Variants in VAV1 observed in about 807,000 individuals in gnomAD.
VAV1 encodes the protein vav guanine nucleotide exchange factor 1.
VAV1 carries 33 observed loss-of-function variants against 128.1 expected under a neutral mutation model. The ratio of observed to expected loss-of-function variants is 0.26; its 90% confidence interval spans 0.20 to 0.34. The LOEUF (loss-of-function observed/expected upper bound fraction) is 0.34. Among genes scored for constraint, VAV1 ranks in the 10% least tolerant of loss-of-function variants. The pLI is 1.00. For missense variants in VAV1, 715 were observed against 1,093.7 expected (o/e 0.65, Z 4.88); for synonymous variants, 394 against 409.8 (o/e 0.96, Z 0.47).
chr19:6,808,461 A>C (rs1971445226), intron 1 of VAV1, among the ~76,000 whole-genome samples: 1 of 152,172 alleles, frequency 6.6e-6, no homozygotes, highest in Non-Finnish European at 1.5e-5. Context: ...GACTTAAATA[A>C]AACTGAAGAT....
chr19:6,808,023 A>T (rs913214748), intron 1 of VAV1, among the ~76,000 whole-genome samples: 70 of 148,236 alleles, frequency 4.7e-4, no homozygotes, highest in Non-Finnish European at 4.2e-4. Context: ...AGAAAAAGTT[A>T]AAAAAAAGGC....
intron 18 of VAV1, 29 bp from the exon 19 acceptor site, chr19:6,833,879 A>C (rs745905228): frequency 6.2e-7 from 1 of 1,614,058 alleles, no homozygotes; most frequent in South Asian, 1.1e-5. Context: ...GGGCATAGGT[A>C]GACAGGCTTT....
At position 6,822,810 on chromosome 19, in the gene VAV1, T is replaced by C. The variant is rs1169531304; in HGVS notation, c.654+296T>C. Among the ~76,000 whole-genome samples, 1 of 146,994 alleles carries C rather than the reference T, an allele frequency of 6.8e-6. No individual in the cohort carries two copies. On this transcript the variant is annotated intron_variant, in intron 6 of 26. Coordinates refer to ENST00000602142, the MANE Select transcript of VAV1 (RefSeq NM_005428.4). This position sits in a 1 kb window ranked among gnomAD's most constrained non-coding sequence, Gnocchi z 5.9. Reference sequence around the variant, plus strand: ...ACAAAATCAAAAATATATAAATATATTAAACATATACATAAATAGAAAATA... The same window carrying C: ...ACAAAATCAAAAATATATAAATATACTAAACATATACATAAATAGAAAATA...
At chr19:6,829,168 G>A (rs1971994961) in intron 13 of VAV1, among the ~76,000 whole-genome samples, 1 of 151,746 alleles carries the variant, frequency 6.6e-6, no homozygotes, top group Non-Finnish European at 1.5e-5. Flanking sequence ...CAGGCTCCTA[G>A]ATGAGCAGGT....
chr19:6,851,761 G>A (rs926277357), intron 24 of VAV1, among the ~76,000 whole-genome samples: 4 of 152,158 alleles, frequency 2.6e-5, no homozygotes, highest in Non-Finnish European at 4.4e-5. Context: ...CCCATGGTCT[G>A]TGGGCCCTTG....
intron 1 of VAV1, among the ~76,000 whole-genome samples, chr19:6,814,693 T>C (rs889931598): frequency 9.3e-4 from 117 of 125,758 alleles, no homozygotes; most frequent in African/African-American, 3.9e-3. Flanking sequence ...TCTTTCTTTC[T>C]TTCTTTCTTT....
At position 6,843,172 on chromosome 19, in the gene VAV1, T is replaced by C; in HGVS notation, c.2012+6T>C. On this transcript the variant is annotated splice_donor_region_variant and intron_variant, in intron 22 of 26. Transcript: ENST00000602142. ...GACCTGTCTGTTCATCTCTGGTGAG[T>C]AGAAACATTTATTTTTGTTTCAATG... is the stretch of plus-strand genomic sequence containing the variant. 1 of 1,614,044 alleles carries C rather than the reference T, an allele frequency of 6.2e-7. No individual in the cohort carries two copies. The highest frequency in any genetic ancestry group is 8.5e-7 in the Non-Finnish European group (1 of 1,179,984).
intron 23 of VAV1, 142 bp from the exon 24 acceptor site, chr19:6,850,527 TG>T: frequency 1.5e-6 from 1 of 671,802 alleles, no homozygotes; most frequent in Non-Finnish European, 2.6e-6. Context: ...CCCCAGGGAA[TG>T]GGCTCTGTTG....
intron 1 of VAV1, among the ~76,000 whole-genome samples, chr19:6,774,273 G>A (rs1174080056): frequency 4.0e-5 from 6 of 151,532 alleles, no homozygotes; most frequent in Admixed American, 6.6e-5. Flanking sequence ...GACTACAGGC[G>A]CCCGCCACCA....
At chr19:6,833,148 C>A in intron 15 of VAV1, 36 bp from the exon 16 acceptor site, 1 of 1,430,298 alleles carries the variant, frequency 7.0e-7, no homozygotes, top group South Asian at 1.2e-5. Context: ...AAATACTGAC[C>A]TTCTTTTTTT....
chr19:6,802,125 G>A (rs921442830), intron 1 of VAV1, among the ~76,000 whole-genome samples: 2 of 152,022 alleles, frequency 1.3e-5, no homozygotes, highest in Admixed American at 6.6e-5. Context: ...TCACTTATAG[G>A]TGGGAATTGA....
At chr19:6,806,660 C>T (rs745557782) in intron 1 of VAV1, among the ~76,000 whole-genome samples, 6 of 152,090 alleles carry the variant, frequency 3.9e-5, no homozygotes, top group Non-Finnish European at 5.9e-5. Flanking sequence ...GCTTAAGATC[C>T]GGGATTTGCA....
At chr19:6,795,364 T>A (rs540664950) in intron 1 of VAV1, among the ~76,000 whole-genome samples, 1 of 152,116 alleles carries the variant, frequency 6.6e-6, no homozygotes, top group Non-Finnish European at 1.5e-5. Flanking sequence ...CTGAACTCTG[T>A]GTATCGCTCG....
At chr19:6,794,286 G>A (rs994366138) in intron 1 of VAV1, among the ~76,000 whole-genome samples, 10 of 152,142 alleles carry the variant, frequency 6.6e-5, no homozygotes, top group South Asian at 2.1e-4. Context: ...GTGGTCTGAG[G>A]GTTGGGCCTT....
intron 14 of VAV1, among the ~76,000 whole-genome samples, chr19:6,830,259 A>C (rs1415159047): frequency 6.6e-6 from 1 of 151,606 alleles, no homozygotes; most frequent in African/African-American, 2.4e-5. Context: ...GGGTTTCACC[A>C]TGTTGGCCAG....
Position 6,853,097 on chromosome 19 carries a change from G to C in VAV1, c.2332+18G>C. On this transcript the variant is annotated intron_variant, in intron 25 of 26. Transcript: ENST00000602142. ...GCCAGCAGGTAGGAGGTCTCAGACTGGGGGCTTACAGCCTCAGCCCCTTCC... is the reference window on the plus strand; with the variant it reads ...GCCAGCAGGTAGGAGGTCTCAGACTCGGGGCTTACAGCCTCAGCCCCTTCC... 6.2e-7 allele frequency: 1 copy of C among 1,607,420 alleles called. No homozygotes were observed.
In VAV1 at chr19:6,777,621, A is replaced by G. The variant is rs925067388; in HGVS notation, c.204+4610A>G. On this transcript the variant is annotated intron_variant, in intron 1 of 26. Coordinates refer to ENST00000602142, the MANE Select transcript of VAV1 (RefSeq NM_005428.4). This position sits in a 1 kb window ranked among gnomAD's most constrained non-coding sequence, Gnocchi z 4.4. ...ACTGCCAGTGCAAAGGCCCTGAGGTAGGAGCCAGTCAGTGCCTGTATGTTC... is the reference window on the plus strand; with the variant it reads ...ACTGCCAGTGCAAAGGCCCTGAGGTGGGAGCCAGTCAGTGCCTGTATGTTC... 2.0e-5 allele frequency among the ~76,000 whole-genome samples: 3 copies of G among 152,150 alleles called. No homozygotes were observed. Among genetic ancestry groups the G allele is most frequent in the Admixed American group, 6.6e-5 (1 of 15,266 alleles).
At chr19:6,827,848 C>T (rs1354859867) in intron 9 of VAV1, among the ~76,000 whole-genome samples, 1 of 151,992 alleles carries the variant, frequency 6.6e-6, no homozygotes, top group Non-Finnish European at 1.5e-5. Context: ...GATCCTCCCG[C>T]CTCGGCCTCC....
At position 6,831,959 on chromosome 19, in the gene VAV1, T is replaced by A. The variant is rs553463099; in HGVS notation, c.1399-132T>A. 11 of 666,834 alleles carry A rather than the reference T, an allele frequency of 1.6e-5. No individual in the cohort carries two copies. The African/African-American group carries it at 1.7e-4, about 10-fold the overall frequency. The allele number at this position is 666,834 out of a possible 1,614,324, so 41.3% of individuals were successfully genotyped here. ...CCTAGAAAGCCCTTTTACAAGGATA[T>A]CCATGCATGGTGCTAGGGGCATAGA... is the stretch of plus-strand genomic sequence containing the variant. On this transcript the variant is annotated intron_variant, in intron 14 of 26. Transcript: ENST00000602142.
Sources: allele counts gnomAD v4.1 joint callset (sites outside exome capture counted in the v4.1 genomes callset), GRCh38; gene constraint gnomAD v4.1.1; non-coding constraint Gnocchi (gnomAD v3.1); transcripts MANE v1.5; gene names NCBI Gene and HGNC (gene_info 2026-07-23, HGNC 2026-07-21).